The following ZSWIM5 variants were observed in gnomAD, a reference collection of about 807,000 sequenced individuals.
ZSWIM5 encodes zinc finger SWIM-type containing 5, also known as zinc finger SWIM domain-containing protein 5.
A neutral mutation model predicts 119.6 loss-of-function variants in ZSWIM5; 55 were observed. That is an observed-to-expected ratio of 0.46 (90% CI 0.37 to 0.58). The LOEUF (loss-of-function observed/expected upper bound fraction) is 0.58, where lower values mean the gene tolerates loss of function less well. ZSWIM5 is among the 20% of genes least tolerant of loss of function. The probability of loss-of-function intolerance (pLI) is 0.00; values close to 1 mark genes in which losing one functional copy is unlikely to be tolerated. For missense variants in ZSWIM5, 1,193 were observed against 1,512.8 expected (o/e 0.79, Z 3.51); for synonymous variants, 537 against 606.9 (o/e 0.88, Z 1.69).
At chr1:45,023,774 T>TA (rs1415029565) in intron 11 of ZSWIM5, among the ~76,000 whole-genome samples, 2 of 151,964 alleles carry the variant, frequency 1.3e-5, no homozygotes, top group Non-Finnish European at 2.9e-5. Context: ...TTGATCTTTG[T>TA]AAAAAAAAGA....
chr1:45,197,957 C>A (rs1315233647), intron 1 of ZSWIM5, among the ~76,000 whole-genome samples: 1 of 152,194 alleles, frequency 6.6e-6, no homozygotes, highest in African/African-American at 2.4e-5. Context: ...CAGCAGTTTA[C>A]AAATGGATAA....
intron 11 of ZSWIM5, among the ~76,000 whole-genome samples, chr1:45,026,036 T>A (rs1335908738): frequency 6.6e-6 from 1 of 152,134 alleles, no homozygotes; most frequent in East Asian, 1.9e-4. Context: ...ATAATGGTAG[T>A]TAGTTGTAGG....
chr1:45,065,399 G>A (rs1445895486), intron 2 of ZSWIM5, among the ~76,000 whole-genome samples: 3 of 152,140 alleles, frequency 2.0e-5, no homozygotes, highest in Non-Finnish European at 2.9e-5. Context: ...CTGGAAGTGT[G>A]GACTGACACC....
At chr1:45,092,463 C>T (rs1366948288) in intron 1 of ZSWIM5, among the ~76,000 whole-genome samples, 2 of 138,318 alleles carry the variant, frequency 1.4e-5, no homozygotes, top group Non-Finnish European at 3.1e-5. Flanking sequence ...CACCTGGCTA[C>T]TTTTTGTATT....
At chr1:45,029,740 G>C (rs1186532060) in intron 11 of ZSWIM5, among the ~76,000 whole-genome samples, 1 of 152,044 alleles carries the variant, frequency 6.6e-6, no homozygotes, top group East Asian at 1.9e-4. Flanking sequence ...ATGTTCTCAA[G>C]GTTCACTCAT....
chr1:45,140,703 TA>T (rs1167634307), intron 1 of ZSWIM5, among the ~76,000 whole-genome samples: 2 of 152,082 alleles, frequency 1.3e-5, no homozygotes, highest in Non-Finnish European at 2.9e-5. Context: ...TATAAAGACA[TA>T]AATAGGTTAA....
chr1:45,088,340 ATCTCCTACACACGTACATGATAGGCT>A lies in ZSWIM5; in HGVS notation c.596-129_596-104del. The stretch of plus-strand genomic sequence containing the variant: ...TCAATTCATAAATTATGTATTGGGT[ATCTCCTACACACGTACATGATAGGCT>A]TTGCCACAGACACAGAGGTCAATGA... On this transcript the variant is annotated intron_variant, in intron 1 of 13. Transcript: ENST00000359600. The surrounding 1 kb of genome is among the most constrained non-coding windows in gnomAD (Gnocchi z 4.2). 1 of 821,070 alleles carries A rather than the reference ATCTCCTACACACGTACATGATAGGCT, an allele frequency of 1.2e-6. No homozygotes were observed. The highest frequency in any genetic ancestry group is 1.9e-6 in the Non-Finnish European group (1 of 535,914). 50.9% of individuals were successfully genotyped at this position (821,070 alleles called of 1,614,324 possible).
At position 45,088,227 on chromosome 1, in the gene ZSWIM5, C is replaced by T; in HGVS notation, c.606G>A (p.Leu202=). 1 of 1,593,468 alleles carries T rather than the reference C, an allele frequency of 6.3e-7. No individual in the cohort carries two copies. Among genetic ancestry groups the T allele is most frequent in the East Asian group, 2.2e-5 (1 of 44,630 alleles). Residue 202 remains leucine (L), a synonymous_variant, in exon 2 of 14, where the codon CTG becomes CTA. Transcript: ENST00000359600. The surrounding 1 kb of genome is among the most constrained non-coding windows in gnomAD (Gnocchi z 4.2). ...VENVLQVGFH[L]SGTVTELATA... is the part of the protein sequence containing the mutation. ...TGGCCAGCTCAGTTACTGTGCCACT[C>T]AGATGAAAGCCTAAGGAAACACAAA... is the stretch of plus-strand genomic sequence containing the variant.
At chr1:45,129,211 C>G (rs1395853478) in intron 1 of ZSWIM5, among the ~76,000 whole-genome samples, 2 of 133,958 alleles carry the variant, frequency 1.5e-5, no homozygotes, top group Non-Finnish European at 3.1e-5. Flanking sequence ...CAGGCTGAAG[C>G]GCAATTGCGC....
At position 45,087,910 on chromosome 1, in the gene ZSWIM5, G is replaced by A. The variant is rs1645341111; in HGVS notation, c.923C>T (p.Ser308Phe). The change falls in exon 2 of 14, where the codon TCC (serine) becomes TTC (phenylalanine). Residue 308 changes from serine to phenylalanine, a missense_variant. By Grantham distance (155) the Ser-to-Phe change is radical. Around this residue, in one of 2 missense-constraint regions of ZSWIM5, gnomAD observed 961 missense variants for 1,290.0 expected, o/e 0.74. Coordinates refer to ENST00000359600, the MANE Select transcript of ZSWIM5 (RefSeq NM_020883.2). Reference sequence around the variant, plus strand: ...CACTTGGTTGATTTCTGAGTTGGAGGATAGAATCTCATCTGCCAGTTTCTG... The same window carrying A: ...CACTTGGTTGATTTCTGAGTTGGAGAATAGAATCTCATCTGCCAGTTTCTG... ...TAQKLADEIL[S>F]SNSEINQVNG... is the part of the protein sequence containing the mutation. 6.2e-7 allele frequency: 1 copy of A among 1,611,320 alleles called. No individual in the cohort carries two copies. The highest frequency in any genetic ancestry group is 1.7e-5 in the Admixed American group (1 of 59,712).
intron 3 of ZSWIM5, 135 bp downstream of exon 3, chr1:45,059,964 A>G: frequency 8.9e-7 from 1 of 1,129,168 alleles, no homozygotes; most frequent in African/African-American, 1.5e-5. Context: ...AGCCTCTCCC[A>G]CTAGATTTCA....
intron 2 of ZSWIM5, among the ~76,000 whole-genome samples, chr1:45,084,286 A>G (rs189468288): frequency 9.2e-5 from 14 of 152,248 alleles, no homozygotes; most frequent in Admixed American, 3.3e-4. Context: ...ATCCACCCCA[A>G]TGATCCAATC....
intron 1 of ZSWIM5, among the ~76,000 whole-genome samples, chr1:45,139,311 G>A (rs1645711046): frequency 6.6e-6 from 1 of 151,230 alleles, no homozygotes; most frequent in African/African-American, 2.4e-5. Flanking sequence ...CTCCTTACTA[G>A]CTGGGACTAC....
intron 1 of ZSWIM5, among the ~76,000 whole-genome samples, chr1:45,115,148 G>A (rs1557770303): frequency 6.6e-6 from 1 of 152,214 alleles, no homozygotes; most frequent in Non-Finnish European, 1.5e-5. Context: ...GGTTCCCAGT[G>A]AGCTGTTGGG....
intron 1 of ZSWIM5, among the ~76,000 whole-genome samples, chr1:45,184,748 G>A (rs1212129074): frequency 6.6e-6 from 1 of 152,042 alleles, no homozygotes; most frequent in East Asian, 1.9e-4. Flanking sequence ...TGAAATAAAA[G>A]AGGATACAAA....
At chr1:45,181,427 G>A (rs1275198183) in intron 1 of ZSWIM5, among the ~76,000 whole-genome samples, 3 of 152,066 alleles carry the variant, frequency 2.0e-5, no homozygotes, top group Non-Finnish European at 2.9e-5. Flanking sequence ...AGAAATATGG[G>A]ACTATGTGAA....
At chr1:45,078,710 C>A (rs1424035410) in intron 2 of ZSWIM5, among the ~76,000 whole-genome samples, 1 of 152,188 alleles carries the variant, frequency 6.6e-6, no homozygotes, top group Non-Finnish European at 1.5e-5. Context: ...CCCTGAGGCT[C>A]CAATCAGCAG....
chr1:45,046,646 G>A (rs1186355288), intron 5 of ZSWIM5, among the ~76,000 whole-genome samples: 1 of 151,160 alleles, frequency 6.6e-6, no homozygotes, highest in Non-Finnish European at 1.5e-5. Context: ...GTGTGTGTGT[G>A]TGTGTGTGTG....
chr1:45,076,712 C>T (rs967201976), intron 2 of ZSWIM5, among the ~76,000 whole-genome samples: 24 of 152,106 alleles, frequency 1.6e-4, no homozygotes, highest in East Asian at 3.9e-4. Context: ...TCTTTCTCTA[C>T]GTCGTCTCTA....
Sources: gnomAD v4.1 joint callset for allele counts (sites outside exome capture counted in the v4.1 genomes callset) on GRCh38, gnomAD v4.1.1 for gene constraint, gnomAD v4.1.1 regional missense constraint, Gnocchi (gnomAD v3.1) non-coding constraint, MANE v1.5 for transcripts, NCBI Gene and HGNC (gene_info 2026-07-23, HGNC 2026-07-21) for gene names.